Variants in TBC1D8B observed in about 807,000 individuals in gnomAD.
TBC1D8B encodes the protein RP11-321G1.1.
Under a neutral mutation model 82.9 loss-of-function variants are expected in TBC1D8B, and 75 were observed. That is an observed-to-expected ratio of 0.90 (90% CI 0.75 to 1.10). The LOEUF (loss-of-function observed/expected upper bound fraction) is 1.10, where lower values mean the gene tolerates loss of function less well. Among genes scored for constraint, TBC1D8B ranks in the 50% least tolerant of loss-of-function variants. The probability of loss-of-function intolerance (pLI) is 0.00; values close to 1 mark genes in which losing one functional copy is unlikely to be tolerated. For missense variants in TBC1D8B, 794 were observed against 796.9 expected (o/e 1.00, Z 0.04); for synonymous variants, 276 against 276.8 (o/e 1.00, Z 0.03).
intron 14 of TBC1D8B, among the ~76,000 whole-genome samples, chrX:106,859,204 C>T (rs1156349784): frequency 8.9e-6 from 1 of 111,826 alleles, no homozygotes; most frequent in Non-Finnish European, 1.9e-5. Context: ...CTTTCTGGTT[C>T]CATATGAATT....
At chrX:106,818,620 C>A in intron 1 of TBC1D8B, 43 bp from the exon 2 acceptor site, 1 of 981,391 alleles carries the variant, frequency 1.0e-6, no homozygotes, top group Non-Finnish European at 1.4e-6. Context: ...TTTGATTTAT[C>A]TCTTGTAAAG....
chrX:106,829,464 A>C (rs1430382579), intron 7 of TBC1D8B: 16 of 110,738 alleles, frequency 1.4e-4, no homozygotes, highest in African/African-American at 5.4e-4. Flanking sequence ...ATATGGAACC[A>C]AAAAAGAGCC....
intron 20 of TBC1D8B, among the ~76,000 whole-genome samples, chrX:106,871,264 T>C (rs1602441049): frequency 9.0e-6 from 1 of 110,716 alleles, no homozygotes. Flanking sequence ...TCAAAATATG[T>C]TCTTCTTTTT....
At chrX:106,855,574 C>T (rs763243777) in intron 14 of TBC1D8B, among the ~76,000 whole-genome samples, 6 of 112,029 alleles carry the variant, frequency 5.4e-5, no homozygotes, top group Non-Finnish European at 1.1e-4. Context: ...CTCACTCTTC[C>T]TAATGCATTG....
intron 8 of TBC1D8B, among the ~76,000 whole-genome samples, chrX:106,839,750 G>A (rs1395425452): frequency 3.6e-5 from 4 of 112,156 alleles, no homozygotes; most frequent in Non-Finnish European, 5.6e-5. Context: ...TTACATAGAT[G>A]TGATTTGGGG....
intron 7 of TBC1D8B, chrX:106,828,157 A>G (rs1455071960): frequency 9.0e-6 from 1 of 111,275 alleles, no homozygotes; most frequent in Admixed American, 9.6e-5. Flanking sequence ...AGAATACTAC[A>G]AACACCTCTA....
At chrX:106,866,703 G>A (rs986475779) in intron 16 of TBC1D8B, 94 bp from the exon 17 acceptor site, 1 of 618,619 alleles carries the variant, frequency 1.6e-6, no homozygotes, top group Middle Eastern at 5.6e-4. Context: ...CCTAATTTTT[G>A]ACTAATGTCT....
chrX:106,869,003 G>C (rs1172202965), intron 18 of TBC1D8B, among the ~76,000 whole-genome samples: 1 of 111,424 alleles, frequency 9.0e-6, no homozygotes, highest in Non-Finnish European at 1.9e-5. Context: ...TAAAGTGTTT[G>C]AACATTAAGT....
At chrX:106,829,844 G>C (rs1931984668) in intron 7 of TBC1D8B, 1 of 110,940 alleles carries the variant, frequency 9.0e-6, no homozygotes, top group South Asian at 3.7e-4. Flanking sequence ...AAAAACCCTA[G>C]AAGAAAACCT....
chrX:106,818,567 T>C, intron 1 of TBC1D8B, 96 bp from the exon 2 acceptor site: 2 of 613,964 alleles, frequency 3.3e-6, no homozygotes, highest in Non-Finnish European at 4.8e-6. Context: ...GCTAGAAAAG[T>C]TTTAAAATAA....
At chrX:106,849,690 A>T (rs1396968227) in intron 11 of TBC1D8B, 3 of 878,751 alleles carry the variant, frequency 3.4e-6, no homozygotes, top group Non-Finnish European at 4.2e-6. Flanking sequence ...GAAGAATTCT[A>T]ATTATTTGTG....
chrX:106,873,889 T>C lies in TBC1D8B; in HGVS notation c.3287T>C (p.Phe1096Ser). Residue 1096 changes from phenylalanine to serine, a missense_variant, in exon 21 of 21, where the codon TTT becomes TCT. Phe to Ser is a radical substitution (Grantham distance 155). Coordinates refer to ENST00000357242, the MANE Select transcript of TBC1D8B (RefSeq NM_017752.3). Reference protein sequence around the residue: ...LLNEPALVRFFEKPIDVKAKL... With the variant: ...LLNEPALVRFSEKPIDVKAKL... ...AATGAACCAGCATTGGTGAGGTTTT[T>C]TGAGAAACCCATAGATGTAAAAGCC... The C allele has an allele frequency of 8.3e-7, 1 of 1,210,342 alleles. No individual in the cohort carries two copies. Among genetic ancestry groups the C allele is most frequent in the Non-Finnish European group, 1.1e-6 (1 of 895,114 alleles).
At chrX:106,858,227 T>C (rs1932735357) in intron 14 of TBC1D8B, among the ~76,000 whole-genome samples, 1 of 112,010 alleles carries the variant, frequency 8.9e-6, no homozygotes, top group Non-Finnish European at 1.9e-5. Flanking sequence ...TGTCTGTCCA[T>C]GTCCTTTGCC....
chrX:106,869,512 C>T lies in TBC1D8B; in HGVS notation c.2840C>T (p.Ala947Val), dbSNP rs1391742908. ...HVSKPANEKE[A>V]ESAKHSPEKG... ...TCCAAGCCTGCAAATGAGAAGGAAG[C>T]AGAATCAGCAAAACACAGCCCTGAA... The change falls in exon 19 of 21, where the codon GCA becomes GTA. Residue 947 changes from alanine (A) to valine (V), a missense_variant. Coordinates refer to ENST00000357242, the MANE Select transcript of TBC1D8B (RefSeq NM_017752.3). The T allele has an allele frequency of 2.5e-6, 3 of 1,207,393 alleles. No homozygotes were observed. The highest frequency in any genetic ancestry group is 1.7e-5 in the African/African-American group (1 of 57,701).
chrX:106,871,707 G>C (rs1296722849), intron 20 of TBC1D8B, among the ~76,000 whole-genome samples: 1 of 112,188 alleles, frequency 8.9e-6, no homozygotes, highest in Admixed American at 9.4e-5. Flanking sequence ...ACAAGTCTGA[G>C]CCTCCTGAAC....
intron 14 of TBC1D8B, among the ~76,000 whole-genome samples, chrX:106,865,019 C>A (rs1029498731): frequency 1.8e-5 from 2 of 111,086 alleles, no homozygotes; most frequent in Non-Finnish European, 3.8e-5. Context: ...TTTTTCTTTA[C>A]CTTTGCTTTC....
chrX:106,860,353 G>A (rs1385666054), intron 14 of TBC1D8B, among the ~76,000 whole-genome samples: 2 of 104,615 alleles, frequency 1.9e-5, no homozygotes, highest in Non-Finnish European at 3.9e-5. Flanking sequence ...GTGTGTGTGT[G>A]TGTGTGTGTG....
At chrX:106,839,245 A>G in intron 7 of TBC1D8B, 63 bp from the exon 8 acceptor site, 1 of 1,057,613 alleles carries the variant, frequency 9.5e-7, no homozygotes. Context: ...TAAACATTAG[A>G]ACTTTTTTTT....
chrX:106,828,920 A>G (rs746822763), intron 7 of TBC1D8B: 1 of 107,377 alleles, frequency 9.3e-6, no homozygotes, highest in East Asian at 2.8e-4. Flanking sequence ...CCTATTCAAC[A>G]TAGTGTTGGA....
Sources: gnomAD v4.1 joint callset for allele counts (sites outside exome capture counted in the v4.1 genomes callset) on GRCh38, gnomAD v4.1.1 for gene constraint, MANE v1.5 for transcripts, NCBI Gene and HGNC (gene_info 2026-07-23, HGNC 2026-07-21) for gene names.